Variants in KHDRBS2 observed in about 807,000 individuals in gnomAD.
The protein encoded by KHDRBS2 is KH RNA binding domain containing, signal transduction associated 2, also known as KH domain-containing, RNA-binding, signal transduction-associated protein 2.
Under a neutral mutation model 44.3 loss-of-function variants are expected in KHDRBS2, and 26 were observed. The ratio of observed to expected loss-of-function variants is 0.59; its 90% confidence interval spans 0.43 to 0.81. The LOEUF (loss-of-function observed/expected upper bound fraction) is 0.81. Among genes scored for constraint, KHDRBS2 ranks in the 40% least tolerant of loss-of-function variants. The pLI is 0.00. For synonymous variants in KHDRBS2, 194 were observed against 151.1 expected (o/e 1.28, Z -2.08); for missense variants, 476 against 433.1 (o/e 1.10, Z -0.88).
chr6:61,963,332 T>C (rs191239176), intron 4 of KHDRBS2, among the ~76,000 whole-genome samples: 71 of 152,154 alleles, frequency 4.7e-4, no homozygotes, highest in Middle Eastern at 3.4e-3. Context: ...ATGAGGGAAA[T>C]GCTACTGTTT....
chr6:62,089,671 C>T (rs73758659), intron 2 of KHDRBS2, among the ~76,000 whole-genome samples: 3,045 of 152,292 alleles, frequency 0.02, 104 homozygotes, highest in African/African-American at 0.068. Context: ...TGCTCCTATT[C>T]TGCTATCTTG....
chr6:61,663,149 G>A, the KHDRBS2 span, among the ~76,000 whole-genome samples: 1 of 147,330 alleles, frequency 6.8e-6, no homozygotes, highest in Non-Finnish European at 1.5e-5. Flanking sequence ...CTATCGCAAG[G>A]ACAAAAAACC....
At chr6:61,705,989 CA>C (rs1280443223) in intron 7 of KHDRBS2, among the ~76,000 whole-genome samples, 2 of 151,822 alleles carry the variant, frequency 1.3e-5, no homozygotes, top group African/African-American at 4.8e-5. Context: ...TTTGCATCAT[CA>C]TTGTATTCCC....
chr6:61,772,975 A>AT (rs1245513138), intron 6 of KHDRBS2, among the ~76,000 whole-genome samples: 7 of 152,094 alleles, frequency 4.6e-5, no homozygotes, highest in Admixed American at 3.3e-4. Context: ...TGAACTCATC[A>AT]TTTTTTATGT....
intron 6 of KHDRBS2, among the ~76,000 whole-genome samples, chr6:61,843,365 A>G (rs1054752617): frequency 1.3e-5 from 2 of 148,572 alleles, no homozygotes; most frequent in Admixed American, 6.8e-5. Context: ...TATTATTATT[A>G]TTATTATTAT....
At chr6:61,757,089 T>C (rs1455164912) in intron 6 of KHDRBS2, among the ~76,000 whole-genome samples, 1 of 152,214 alleles carries the variant, frequency 6.6e-6, no homozygotes, top group Non-Finnish European at 1.5e-5. Context: ...GGTATGAGTT[T>C]GTTTATCCTT....
At chr6:62,064,967 T>C (rs369133129) in intron 2 of KHDRBS2, among the ~76,000 whole-genome samples, 19 of 151,352 alleles carry the variant, frequency 1.3e-4, no homozygotes, top group East Asian at 3.9e-4. Flanking sequence ...AAAAAGTGGG[T>C]GAAGGACATG....
Position 61,855,424 on chromosome 6 carries a change from A to AATG in KHDRBS2, c.810+39208_810+39210dup, listed in dbSNP as rs202004137. Among the ~76,000 whole-genome samples, 683 of 151,936 alleles carry AATG rather than the reference A, an allele frequency of 4.5e-3. 7 individuals carry two copies. Among genetic ancestry groups the AATG allele is most frequent in the African/African-American group, 0.016 (654 of 41,434 alleles). On this transcript the variant is annotated intron_variant, in intron 6 of 8. Coordinates refer to ENST00000281156, the MANE Select transcript of KHDRBS2 (RefSeq NM_152688.4). ...TTAGCTTTTCCATCTGTAAAATGGT[A>AATG]ATGATAATAATAGGTGCCTCCTAGG...
At chr6:62,098,367 T>A (rs1801125653) in intron 2 of KHDRBS2, among the ~76,000 whole-genome samples, 1 of 151,818 alleles carries the variant, frequency 6.6e-6, no homozygotes, top group African/African-American at 2.4e-5. Context: ...TCTGGGAAAG[T>A]ATTTCTCTTG....
At chr6:62,161,196 T>A (rs534820052) in intron 2 of KHDRBS2, among the ~76,000 whole-genome samples, 119 of 152,172 alleles carry the variant, frequency 7.8e-4, no homozygotes, top group African/African-American at 2.8e-3. Context: ...GAGTCTCTTA[T>A]AAATAGCATA....
chr6:61,666,684 T>C, the KHDRBS2 span, among the ~76,000 whole-genome samples: 6 of 151,574 alleles, frequency 4.0e-5, no homozygotes, highest in East Asian at 1.2e-3. Flanking sequence ...TGCTTTTATA[T>C]TGAAAAAGCT....
chr6:62,005,877 C>T (rs780519338), intron 3 of KHDRBS2, among the ~76,000 whole-genome samples: 1 of 151,510 alleles, frequency 6.6e-6, no homozygotes, highest in Non-Finnish European at 1.5e-5. Context: ...ATAGATTAAC[C>T]AATCTTGAGA....
chr6:61,729,970 A>C (rs988278190), intron 7 of KHDRBS2, among the ~76,000 whole-genome samples: 20 of 152,196 alleles, frequency 1.3e-4, no homozygotes, highest in Admixed American at 6.6e-5. Flanking sequence ...TTGATTAAAA[A>C]ATAATCTAAA....
At chr6:61,925,232 C>A (rs1808737618) in intron 4 of KHDRBS2, among the ~76,000 whole-genome samples, 1 of 152,070 alleles carries the variant, frequency 6.6e-6, no homozygotes, top group Non-Finnish European at 1.5e-5. Flanking sequence ...AAAATGTGTT[C>A]AATCCCTACT....
At chr6:62,014,051 A>C (rs1217451874) in intron 3 of KHDRBS2, among the ~76,000 whole-genome samples, 1 of 152,184 alleles carries the variant, frequency 6.6e-6, no homozygotes. Flanking sequence ...GGATTGTTGC[A>C]GAGAGTATGA....
At chr6:61,650,653 C>A in the KHDRBS2 span, among the ~76,000 whole-genome samples, 1 of 151,318 alleles carries the variant, frequency 6.6e-6, no homozygotes, top group African/African-American at 2.4e-5. Flanking sequence ...ACTATGGGGA[C>A]TATGAATAGC....
At chr6:61,774,300 T>A (rs113477794) in intron 6 of KHDRBS2, among the ~76,000 whole-genome samples, 35,530 of 152,144 alleles carry the variant, frequency 0.23, 4,797 homozygotes, top group South Asian at 0.36. Flanking sequence ...TCCATCTGTT[T>A]GTATCCTCTT....
intron 2 of KHDRBS2, among the ~76,000 whole-genome samples, chr6:62,103,887 G>A (rs1245398230): frequency 2.6e-5 from 4 of 152,156 alleles, no homozygotes; most frequent in African/African-American, 9.7e-5. Flanking sequence ...AAAAATATAT[G>A]TGAAATAAAG....
At chr6:62,210,754 A>C (rs922783886) in intron 1 of KHDRBS2, among the ~76,000 whole-genome samples, 1 of 152,140 alleles carries the variant, frequency 6.6e-6, no homozygotes, top group Non-Finnish European at 1.5e-5. Flanking sequence ...TTAAATTAAC[A>C]CTCTGATTCA....
Sources: gnomAD v4.1 joint callset for allele counts (sites outside exome capture counted in the v4.1 genomes callset) on GRCh38, gnomAD v4.1.1 for gene constraint, MANE v1.5 for transcripts, NCBI Gene and HGNC (gene_info 2026-07-23, HGNC 2026-07-21) for gene names.